The following SCHIP1 variants were observed in gnomAD, a reference collection of about 807,000 sequenced individuals.
The protein encoded by SCHIP1 is schwannomin-interacting protein 1.
In SCHIP1, 8 loss-of-function variants were observed where a neutral mutation model predicts 29.7. The observed-to-expected ratio is 0.27, with a 90% CI of 0.16 to 0.49. SCHIP1 has a LOEUF of 0.49. SCHIP1 is among the 20% of genes least tolerant of loss of function. SCHIP1 has a pLI of 0.99. For missense variants in SCHIP1, 193 were observed against 294.6 expected (o/e 0.66, Z 2.52); for synonymous variants, 76 against 94.9 (o/e 0.80, Z 1.16).
the SCHIP1 span, among the ~76,000 whole-genome samples, chr3:159,305,504 G>A: frequency 2.0e-5 from 3 of 151,976 alleles, no homozygotes; most frequent in South Asian, 4.2e-4. Flanking sequence ...TGTCTAAAGC[G>A]AATCCTTTTA....
At chr3:159,589,196 G>A in the SCHIP1 span, among the ~76,000 whole-genome samples, 1 of 152,094 alleles carries the variant, frequency 6.6e-6, no homozygotes, top group Admixed American at 6.6e-5. Context: ...TTGTAAGTTG[G>A]ATTCCTAGGT....
At chr3:159,672,739 T>C in the SCHIP1 span, among the ~76,000 whole-genome samples, 1 of 152,236 alleles carries the variant, frequency 6.6e-6, no homozygotes, top group South Asian at 2.1e-4. Flanking sequence ...ATGAGAGACC[T>C]TGCTGGAATA....
the SCHIP1 span, among the ~76,000 whole-genome samples, chr3:159,574,424 G>A: frequency 2.0e-5 from 3 of 152,188 alleles, no homozygotes; most frequent in Admixed American, 6.5e-5. Context: ...GTTTGCCTAG[G>A]TGTCACCAGC....
the SCHIP1 span, among the ~76,000 whole-genome samples, chr3:159,618,007 A>G: frequency 2.0e-5 from 3 of 152,194 alleles, no homozygotes; most frequent in Non-Finnish European, 4.4e-5. Context: ...ACAGAAAAAA[A>G]AATTTAGTGT....
chr3:159,719,959 T>C, the SCHIP1 span, among the ~76,000 whole-genome samples: 4 of 152,058 alleles, frequency 2.6e-5, no homozygotes, highest in Non-Finnish European at 4.4e-5. Context: ...CACTTCACAA[T>C]AGCAAAGACT....
At chr3:159,371,618 G>C in the SCHIP1 span, among the ~76,000 whole-genome samples, 1 of 152,124 alleles carries the variant, frequency 6.6e-6, no homozygotes, top group Non-Finnish European at 1.5e-5. Flanking sequence ...TTCATCACTT[G>C]GTATCTGTTG....
At chr3:159,563,964 T>G in the SCHIP1 span, among the ~76,000 whole-genome samples, 1 of 152,220 alleles carries the variant, frequency 6.6e-6, no homozygotes, top group East Asian at 1.9e-4. Flanking sequence ...AACAAAGCAC[T>G]TACTGCCTTC....
the SCHIP1 span, chr3:159,764,495 G>A: frequency 6.3e-7 from 1 of 1,587,852 alleles, no homozygotes; most frequent in Non-Finnish European, 8.6e-7. The surrounding 1 kb of genome is among the most constrained non-coding windows in gnomAD (Gnocchi z 6.1). Context: ...AGCAGCAGCA[G>A]CAGCAGCCGC....
the SCHIP1 span, among the ~76,000 whole-genome samples, chr3:159,364,333 T>G: frequency 5.9e-5 from 9 of 152,290 alleles, no homozygotes; most frequent in Middle Eastern, 3.4e-3. Context: ...ATTAGGTTAT[T>G]AGGAAGGACT....
At chr3:159,682,249 C>T in the SCHIP1 span, among the ~76,000 whole-genome samples, 1 of 152,152 alleles carries the variant, frequency 6.6e-6, no homozygotes, top group Non-Finnish European at 1.5e-5. Context: ...TTAGTTTCTT[C>T]CTCTTCCCTT....
At chr3:159,384,017 A>G in the SCHIP1 span, among the ~76,000 whole-genome samples, 3 of 151,438 alleles carry the variant, frequency 2.0e-5, no homozygotes, top group Non-Finnish European at 2.9e-5. Flanking sequence ...GGCTGAGACA[A>G]TGGGGTTTTC....
At chr3:159,326,391 T>C in the SCHIP1 span, among the ~76,000 whole-genome samples, 4 of 152,242 alleles carry the variant, frequency 2.6e-5, no homozygotes. Context: ...GCTAAGAAGC[T>C]GTGAAACTCA....
At chr3:159,819,395 CT>C in the SCHIP1 span, among the ~76,000 whole-genome samples, 1 of 152,160 alleles carries the variant, frequency 6.6e-6, no homozygotes, top group Non-Finnish European at 1.5e-5. Context: ...GGGAATTAAG[CT>C]CTCCTTTTCA....
the SCHIP1 span, among the ~76,000 whole-genome samples, chr3:159,776,914 C>T: frequency 6.6e-6 from 1 of 152,008 alleles, no homozygotes; most frequent in Non-Finnish European, 1.5e-5. Context: ...CATAGATAAC[C>T]CACTGGAGCA....
At chr3:159,274,703 T>A in the SCHIP1 span, 1 of 819,716 alleles carries the variant, frequency 1.2e-6, no homozygotes, top group Middle Eastern at 6.2e-4. Flanking sequence ...ATATTTTGAT[T>A]AGCTATTCAA....
At chr3:159,891,521 G>T (rs553642847) in intron 5 of SCHIP1, among the ~76,000 whole-genome samples, 1 of 152,148 alleles carries the variant, frequency 6.6e-6, no homozygotes, top group African/African-American at 2.4e-5. Flanking sequence ...AATTTCAGGG[G>T]TTATTTCTTC....
the SCHIP1 span, among the ~76,000 whole-genome samples, chr3:159,674,991 G>T: frequency 6.6e-6 from 1 of 152,326 alleles, no homozygotes; most frequent in Non-Finnish European, 1.5e-5. Context: ...CCCTACATTG[G>T]ACCAGGAAGG....
At chr3:159,563,355 C>A in the SCHIP1 span, among the ~76,000 whole-genome samples, 2 of 151,988 alleles carry the variant, frequency 1.3e-5, no homozygotes, top group Admixed American at 1.3e-4. Flanking sequence ...TTTTTATATA[C>A]TTTACTATTT....
the SCHIP1 span, among the ~76,000 whole-genome samples, chr3:159,782,118 G>A: frequency 1.3e-3 from 202 of 152,222 alleles, no homozygotes; most frequent in Non-Finnish European, 1.6e-3. Flanking sequence ...CTTCATCTGC[G>A]GCAGCATGTC....
Sources: allele counts gnomAD v4.1 joint callset (sites outside exome capture counted in the v4.1 genomes callset), GRCh38; gene constraint gnomAD v4.1.1; non-coding constraint Gnocchi (gnomAD v3.1); transcripts MANE v1.5; gene names NCBI Gene and HGNC (gene_info 2026-07-23, HGNC 2026-07-21).